DNAH14: variants seen among roughly 807,000 people sequenced by gnomAD.
DNAH14 encodes the protein dynein axonemal heavy chain 14, also known as axonemal beta dynein heavy chain 14.
Under a neutral mutation model 520.9 loss-of-function variants are expected in DNAH14, and 478 were observed. The ratio of observed to expected loss-of-function variants is 0.92; its 90% confidence interval spans 0.85 to 0.99. The LOEUF (loss-of-function observed/expected upper bound fraction) is 0.99. DNAH14 is among the 50% of genes least tolerant of loss of function. The pLI is 0.00. For missense variants in DNAH14, 4,831 were observed against 5,234.5 expected (o/e 0.92, Z 2.38); for synonymous variants, 1,581 against 1,757.2 (o/e 0.90, Z 2.51).
intron 54 of DNAH14, among the ~76,000 whole-genome samples, chr1:225,278,519 G>C (rs1442151290): frequency 6.6e-6 from 1 of 152,030 alleles, no homozygotes; most frequent in Non-Finnish European, 1.5e-5. Context: ...GTCCCTATTA[G>C]TCTGTCTCCT....
chr1:225,127,787 C>T (rs1233903883), intron 27 of DNAH14, among the ~76,000 whole-genome samples: 2 of 152,098 alleles, frequency 1.3e-5, no homozygotes, highest in South Asian at 4.1e-4. Context: ...TTAGTTGATG[C>T]AGTTTCTTCC....
intron 8 of DNAH14, among the ~76,000 whole-genome samples, chr1:224,986,318 TAAA>T (rs59261709): frequency 1.1e-5 from 1 of 87,878 alleles, no homozygotes; most frequent in Admixed American, 1.2e-4. Flanking sequence ...AAAGGCTTAT[TAAA>T]AAAAAAAAAA....
chr1:225,312,603 T>A (rs1245508245), intron 60 of DNAH14, among the ~76,000 whole-genome samples: 2 of 152,326 alleles, frequency 1.3e-5, no homozygotes, highest in East Asian at 3.9e-4. Flanking sequence ...GCTCTTATTA[T>A]TTTAAGATAT....
chr1:225,366,381 A>T (rs1575046876), intron 76 of DNAH14, among the ~76,000 whole-genome samples: 1 of 152,154 alleles, frequency 6.6e-6, no homozygotes. Context: ...TATCACTAAA[A>T]ATCAAAATTA....
chr1:225,379,650 C>T (rs2095754571), intron 79 of DNAH14, among the ~76,000 whole-genome samples: 2 of 152,094 alleles, frequency 1.3e-5, no homozygotes, highest in Non-Finnish European at 2.9e-5. Context: ...GCCTCAGCCT[C>T]CTGAGTAGCT....
intron 17 of DNAH14, among the ~76,000 whole-genome samples, chr1:225,061,328 A>G (rs1200771570): frequency 1.3e-5 from 2 of 152,206 alleles, no homozygotes; most frequent in East Asian, 1.9e-4. Context: ...GCTGGATACA[A>G]TCTCCTGGTG....
intron 55 of DNAH14, among the ~76,000 whole-genome samples, chr1:225,293,604 G>T (rs1420630125): frequency 1.3e-5 from 2 of 152,110 alleles, no homozygotes; most frequent in African/African-American, 2.4e-5. Flanking sequence ...TTATAAGTGG[G>T]AGTTAAATGA....
rs1413424048 is a variant in DNAH14 at position 224,968,765 on chromosome 1, A to G, written c.658A>G (p.Asn220Asp). Residue 220 changes from asparagine (N) to aspartate (D), a missense_variant, in exon 7 of 86, where the codon AAT becomes GAT. By Grantham distance (23) the Asn-to-Asp change is conservative. Transcript: ENST00000682510. ...ITASFISKVINIVGSVKEVEL... is the reference protein window; with the variant it reads ...ITASFISKVIDIVGSVKEVEL... ...TTTGTGCTTTATTTTGTAGGTTATT[A>G]ATATAGTTGGTAGTGTAAAGGAAGT... 6.8e-7 allele frequency: 1 copy of G among 1,461,418 alleles called. No individual in the cohort carries two copies. The highest frequency in any genetic ancestry group is 2.7e-5 in the East Asian group (1 of 37,128). The allele number at this position is 1,461,418 out of a possible 1,614,324, so 90.5% of individuals were successfully genotyped here. A position where few individuals can be genotyped will look rare whatever the true frequency, so the allele number is the denominator to read the frequency against.
At chr1:225,331,172 A>C (rs1449142821) in intron 64 of DNAH14, among the ~76,000 whole-genome samples, 1 of 152,048 alleles carries the variant, frequency 6.6e-6, no homozygotes, top group African/African-American at 2.4e-5. Context: ...TAAATCAGAA[A>C]TTGATGAATC....
intron 1 of DNAH14, among the ~76,000 whole-genome samples, chr1:224,952,409 T>C (rs1328973045): frequency 6.6e-6 from 1 of 152,186 alleles, no homozygotes; most frequent in Non-Finnish European, 1.5e-5. Context: ...GCTAAAATTG[T>C]ATGTACATAA....
In DNAH14 at chr1:225,081,871, C is replaced by G. The variant is rs2073162112; in HGVS notation, c.3137-678C>G. ...AGACTAGTGCTGGTCTGTGGCAAAG[C>G]TGTCACCTACATTTCCTACATTTTG... On this transcript the variant is annotated intron_variant, in intron 19 of 85. Coordinates refer to ENST00000682510, the MANE Select transcript of DNAH14 (RefSeq NM_001367479.1). Among the ~76,000 whole-genome samples the G allele has an allele frequency of 2.0e-5, 3 of 152,280 alleles. No homozygotes were observed. In the South Asian group the frequency reaches 6.2e-4, roughly 32 times the overall value.
chr1:225,136,571 T>C (rs577036895), intron 27 of DNAH14, among the ~76,000 whole-genome samples: 26 of 152,294 alleles, frequency 1.7e-4, no homozygotes, highest in African/African-American at 6.0e-4. Flanking sequence ...CTTTTCTCTC[T>C]GGTTGCCTTA....
At chr1:225,300,752 C>A in intron 55 of DNAH14, 117 bp from the exon 56 acceptor site, 6 of 1,068,416 alleles carry the variant, frequency 5.6e-6, no homozygotes, top group African/African-American at 1.6e-5. Flanking sequence ...AAAAAAAAAT[C>A]ACTTAGCCTC....
intron 83 of DNAH14, among the ~76,000 whole-genome samples, chr1:225,390,537 G>A (rs544812059): frequency 6.6e-6 from 1 of 152,104 alleles, no homozygotes; most frequent in African/African-American, 2.4e-5. Flanking sequence ...ATGAATGAAT[G>A]GCATTCTGAA....
At chr1:225,011,439 A>G (rs1213173169) in intron 10 of DNAH14, among the ~76,000 whole-genome samples, 2 of 152,094 alleles carry the variant, frequency 1.3e-5, no homozygotes, top group Admixed American at 1.3e-4. Context: ...TGTTGTGTAG[A>G]TGTCTATTAG....
chr1:225,350,012 A>G (rs755491768), intron 71 of DNAH14, among the ~76,000 whole-genome samples: 3 of 152,180 alleles, frequency 2.0e-5, no homozygotes, highest in Non-Finnish European at 4.4e-5. Context: ...TCTTAAGTGC[A>G]CAAAAACATT....
At chr1:225,048,919 T>C (rs1367360603) in intron 15 of DNAH14, among the ~76,000 whole-genome samples, 3 of 152,128 alleles carry the variant, frequency 2.0e-5, no homozygotes, top group Non-Finnish European at 4.4e-5. Flanking sequence ...TTCTAATAGG[T>C]GTGTAGTGAT....
At chr1:225,156,551 A>G (rs901238735) in intron 34 of DNAH14, among the ~76,000 whole-genome samples, 1 of 152,172 alleles carries the variant, frequency 6.6e-6, no homozygotes, top group African/African-American at 2.4e-5. Context: ...GCTCTAGTCA[A>G]TCAGTGTATG....
At position 225,307,655 on chromosome 1, in the gene DNAH14, A is replaced by G. The variant is rs368543278; in HGVS notation, c.9114+86A>G. On this transcript the variant is annotated intron_variant, in intron 59 of 85. Transcript: ENST00000682510. ...AAGCAAAGGCTCTGATACCTGACAA[A>G]GACAGGCTAGAATTCCAGCTTTGTT... 5 of 1,014,710 alleles carry G rather than the reference A, an allele frequency of 4.9e-6. No individual in the cohort carries two copies. The African/African-American group carries it at 5.0e-5, about 10-fold the overall frequency. 62.9% of individuals were successfully genotyped at this position (1,014,710 alleles called of 1,614,324 possible).
Sources: gnomAD v4.1 joint callset for allele counts (sites outside exome capture counted in the v4.1 genomes callset) on GRCh38, gnomAD v4.1.1 for gene constraint, MANE v1.5 for transcripts, NCBI Gene and HGNC (gene_info 2026-07-23, HGNC 2026-07-21) for gene names.